Variants in PEBP4 observed in about 807,000 individuals in gnomAD.
PEBP4 encodes phosphatidylethanolamine-binding protein 4.
PEBP4 carries 22 observed loss-of-function variants against 23.9 expected under a neutral mutation model. That is an observed-to-expected ratio of 0.92 (90% CI 0.66 to 1.31). PEBP4 has a LOEUF of 1.31. Ranked by LOEUF, PEBP4 falls within the 40% of genes most tolerant of loss-of-function variation. The pLI, the probability that PEBP4 is intolerant of heterozygous loss-of-function variation, is 0.00. For missense variants in PEBP4, 324 were observed against 281.7 expected (o/e 1.15, Z -1.07); for synonymous variants, 112 against 99.3 (o/e 1.13, Z -0.76).
chr8:22,872,468 T>C (rs1808025771), intron 3 of PEBP4, among the ~76,000 whole-genome samples: 1 of 152,242 alleles, frequency 6.6e-6, no homozygotes, highest in Non-Finnish European at 1.5e-5. Context: ...GAACCTGCTC[T>C]CTGGGACTTG....
intron 4 of PEBP4, chr8:22,747,425 A>G (rs1276139870): frequency 6.6e-6 from 1 of 152,106 alleles, no homozygotes; most frequent in Non-Finnish European, 1.5e-5. Context: ...AACCTGGGTG[A>G]CCTTGGGCAA....
At chr8:22,758,071 C>G (rs897449102) in intron 4 of PEBP4, 5 of 152,266 alleles carry the variant, frequency 3.3e-5, no homozygotes, top group Non-Finnish European at 7.3e-5. Flanking sequence ...AATGGGGACT[C>G]TAACTCCATG....
chr8:22,732,904 C>T (rs370238331), intron 4 of PEBP4, among the ~76,000 whole-genome samples: 2 of 152,132 alleles, frequency 1.3e-5, no homozygotes, highest in African/African-American at 4.8e-5. Context: ...AACTTGCAAG[C>T]GAGATACTCA....
chr8:22,826,269 C>G (rs1806966754), intron 3 of PEBP4, among the ~76,000 whole-genome samples: 2 of 152,222 alleles, frequency 1.3e-5, no homozygotes, highest in South Asian at 4.1e-4. Context: ...TCCAAAGACA[C>G]TGCACATCTT....
At chr8:22,894,800 G>A (rs1808559922) in intron 3 of PEBP4, among the ~76,000 whole-genome samples, 1 of 152,126 alleles carries the variant, frequency 6.6e-6, no homozygotes, top group Admixed American at 6.5e-5. Context: ...GTGTTGACTG[G>A]GAAAGATGGA....
intron 4 of PEBP4, among the ~76,000 whole-genome samples, chr8:22,805,023 G>A (rs77074092): frequency 5.3e-5 from 8 of 152,026 alleles, no homozygotes; most frequent in African/African-American, 1.5e-4. Context: ...TCATCTCCAC[G>A]GTTCTCAGGA....
At chr8:22,898,217 C>A (rs1808628821) in intron 3 of PEBP4, among the ~76,000 whole-genome samples, 1 of 151,640 alleles carries the variant, frequency 6.6e-6, no homozygotes, top group Admixed American at 6.6e-5. Flanking sequence ...TATGGTGAAA[C>A]CCTGTCTCAA....
At chr8:22,923,899 A>G (rs1809264829) in intron 2 of PEBP4, among the ~76,000 whole-genome samples, 1 of 152,194 alleles carries the variant, frequency 6.6e-6, no homozygotes, top group Non-Finnish European at 1.5e-5. Flanking sequence ...GGCGCTTCTC[A>G]GCCTCCAGAG....
chr8:22,741,123 G>A (rs969174308), intron 4 of PEBP4, among the ~76,000 whole-genome samples: 9 of 152,182 alleles, frequency 5.9e-5, no homozygotes, highest in African/African-American at 2.2e-4. Context: ...CCGGTGTGCA[G>A]GTCAGGATCA....
At chr8:22,828,669 T>G (rs1340196020) in intron 3 of PEBP4, among the ~76,000 whole-genome samples, 1 of 152,200 alleles carries the variant, frequency 6.6e-6, no homozygotes, top group Non-Finnish European at 1.5e-5. Flanking sequence ...GAATACATCC[T>G]CTGTCTTGGT....
At chr8:22,912,383 C>T (rs1238876137) in intron 3 of PEBP4, among the ~76,000 whole-genome samples, 2 of 152,200 alleles carry the variant, frequency 1.3e-5, no homozygotes, top group South Asian at 2.1e-4. Flanking sequence ...GAGCTCCATC[C>T]GGATCTGCTC....
At chr8:22,767,821 C>T (rs1048301227) in intron 4 of PEBP4, among the ~76,000 whole-genome samples, 1 of 152,268 alleles carries the variant, frequency 6.6e-6, no homozygotes, top group Admixed American at 6.5e-5. Flanking sequence ...CTCACTGCAA[C>T]CTCCGTCTCC....
chr8:22,871,095 CTGA>C (rs1325527718), intron 3 of PEBP4, among the ~76,000 whole-genome samples: 1 of 152,170 alleles, frequency 6.6e-6, no homozygotes, highest in African/African-American at 2.4e-5. Flanking sequence ...CTTTAATCCA[CTGA>C]AATGCTGCTG....
intron 3 of PEBP4, among the ~76,000 whole-genome samples, chr8:22,852,424 A>G (rs1807569042): frequency 6.6e-6 from 1 of 152,152 alleles, no homozygotes; most frequent in African/African-American, 2.4e-5. Context: ...CCATCCCAAG[A>G]GCACAAACCT....
At chr8:22,727,663 G>A (rs1585238575) in intron 4 of PEBP4, among the ~76,000 whole-genome samples, 1 of 152,248 alleles carries the variant, frequency 6.6e-6, no homozygotes, top group South Asian at 2.1e-4. Flanking sequence ...CATCTTCTCT[G>A]GAGGGAGGAC....
rs1585307737 is a variant in PEBP4 at position 22,854,105 on chromosome 8, A to G, written c.259-36370T>C. ...ACAGCCTCACTACTTAAGAATCCCA[A>G]TGCATGACTCCAGGTGCTAGAGGAC... On this transcript the variant is annotated intron_variant, in intron 3 of 6. Coordinates refer to ENST00000256404, the MANE Select transcript of PEBP4 (RefSeq NM_144962.3). Among the ~76,000 whole-genome samples, 5 of 152,312 alleles carry G rather than the reference A, an allele frequency of 3.3e-5. 1 individual carries two copies. The highest frequency in any genetic ancestry group is 1.2e-4 in the African/African-American group (5 of 41,568).
intron 4 of PEBP4, among the ~76,000 whole-genome samples, chr8:22,783,430 G>T (rs961890761): frequency 3.9e-5 from 6 of 152,202 alleles, no homozygotes. Flanking sequence ...GCCTGGAACT[G>T]CCCTGTAGGG....
chr8:22,855,123 ACAGT>A (rs553742972), intron 3 of PEBP4, among the ~76,000 whole-genome samples: 262 of 152,170 alleles, frequency 1.7e-3, no homozygotes, highest in African/African-American at 6.1e-3. Context: ...TACCAGTCTT[ACAGT>A]CAGTGTTCCC....
chr8:22,770,335 A>G (rs374101139), intron 4 of PEBP4, among the ~76,000 whole-genome samples: 217 of 152,292 alleles, frequency 1.4e-3, no homozygotes, highest in African/African-American at 4.9e-3. Flanking sequence ...CTCCCTTATC[A>G]ATCGCAGTCC....
Sources: allele counts gnomAD v4.1 joint callset (sites outside exome capture counted in the v4.1 genomes callset), GRCh38; gene constraint gnomAD v4.1.1; transcripts MANE v1.5; gene names NCBI Gene and HGNC (gene_info 2026-07-23, HGNC 2026-07-21).